The following NUP133 variants were observed in gnomAD, a reference collection of about 807,000 sequenced individuals.
NUP133 encodes nucleoporin 133.
Under a neutral mutation model 146.2 loss-of-function variants are expected in NUP133, and 66 were observed. The ratio of observed to expected loss-of-function variants is 0.45; its 90% CI spans 0.37 to 0.55. NUP133 has a LOEUF of 0.55. Ranked by LOEUF, NUP133 falls within the 20% of genes least tolerant of loss-of-function variation. NUP133 has a pLI of 0.00. For missense variants in NUP133, 1,277 were observed against 1,374.8 expected (o/e 0.93, Z 1.12); for synonymous variants, 521 against 498.8 (o/e 1.04, Z -0.59).
intron 6 of NUP133, among the ~76,000 whole-genome samples, chr1:229,496,753 G>A (rs1661665596): frequency 6.6e-6 from 1 of 152,186 alleles, no homozygotes; most frequent in Non-Finnish European, 1.5e-5. Context: ...ATACCAAGGA[G>A]GGAGGCTCAT....
At position 229,450,565 on chromosome 1, in the gene NUP133, T is replaced by C. The variant is rs1660424494; in HGVS notation, c.3140A>G (p.Asp1047Gly). The C allele has an allele frequency of 1.3e-6, 2 of 1,588,788 alleles. No individual in the cohort carries two copies. Among genetic ancestry groups the C allele is most frequent in the South Asian group, 1.1e-5 (1 of 88,208 alleles). ...CEENRRANEY[D>G]FKKALDLLEY... ...CAACAAGTCCAAAGCTTTCTTGAAA[T>C]CATATTCATTAGCTCTTCTATTTTC... Residue 1047 changes from aspartate to glycine, a missense_variant, in exon 23 of 26, where the codon GAT (aspartate) becomes GGT (glycine). Asp to Gly is a moderately conservative substitution (Grantham distance 94, BLOSUM62 -1). Transcript: ENST00000261396.
intron 1 of NUP133, among the ~76,000 whole-genome samples, chr1:229,507,558 G>A (rs577917749): frequency 2.6e-5 from 4 of 152,266 alleles, no homozygotes; most frequent in Admixed American, 1.3e-4. Context: ...TACCTAGAAA[G>A]TTAAATTCCG....
At position 229,508,275 on chromosome 1, in the gene NUP133, A is replaced by T. The variant is rs1571947316; in HGVS notation, c.-26T>A. 1 of 1,425,542 alleles carries T rather than the reference A, an allele frequency of 7.0e-7. No homozygotes were observed. The highest frequency in any genetic ancestry group is 9.2e-7 in the Non-Finnish European group (1 of 1,083,100). 88.3% of individuals were successfully genotyped at this position (1,425,542 alleles called of 1,614,324 possible). Reference sequence around the variant, plus strand: ...GACTCCAAGGAGCAGCGACTAGGACAGCGAGGGATCTGGCCGTCAGGTTGC... The same window carrying T: ...GACTCCAAGGAGCAGCGACTAGGACTGCGAGGGATCTGGCCGTCAGGTTGC... On this transcript the variant is annotated 5_prime_UTR_variant, in exon 1 of 26. Transcript: ENST00000261396.
At chr1:229,487,367 A>T in intron 10 of NUP133, 99 bp downstream of exon 10, 1 of 1,195,898 alleles carries the variant, frequency 8.4e-7, no homozygotes. Context: ...GAAACATTTG[A>T]AAGCAGCATG....
chr1:229,504,927 C>T (rs1212304737), intron 2 of NUP133, among the ~76,000 whole-genome samples: 1 of 152,138 alleles, frequency 6.6e-6, no homozygotes. Flanking sequence ...TACTGTATAC[C>T]CCAAGCTTGT....
rs187104042 is a variant in NUP133, at chr1:229,461,011, G to C, written c.2686-242C>G. Among the ~76,000 whole-genome samples the C allele has an allele frequency of 4.0e-3, 614 of 152,210 alleles. 2 individuals carry two copies. The highest frequency in any genetic ancestry group is 0.027 in the Middle Eastern group (8 of 292). On this transcript the variant is annotated intron_variant, in intron 19 of 25. Coordinates refer to ENST00000261396, the MANE Select transcript of NUP133 (RefSeq NM_018230.3). Reference sequence around the variant, plus strand: ...TAATGGCAGAATCTAGATGTGCGCTGGCCAATATGGTAGCAACTGGCCATA... The same window carrying C: ...TAATGGCAGAATCTAGATGTGCGCTCGCCAATATGGTAGCAACTGGCCATA...
intron 21 of NUP133, among the ~76,000 whole-genome samples, chr1:229,452,981 T>C (rs1350592181): frequency 1.3e-5 from 2 of 152,092 alleles, no homozygotes; most frequent in African/African-American, 2.4e-5. Context: ...TGTGGAGATC[T>C]CTCCATCATA....
In NUP133 at chr1:229,449,158, C is replaced by T. The variant is rs1204085346; in HGVS notation, c.3213G>A (p.Leu1071=). ...EEDININDLK[L]EILCKALQRD... is the part of the protein sequence containing the mutation. ...TCTGAAGAGCTTTGCAAAGGATTTC[C>T]AGTTTTAGATCATTTATATTTATAT... Residue 1071 remains leucine, a synonymous_variant, in exon 24 of 26, where the codon CTG becomes CTA. Transcript: ENST00000261396. 1 of 1,612,104 alleles carries T rather than the reference C, an allele frequency of 6.2e-7. No individual in the cohort carries two copies. Among genetic ancestry groups the T allele is most frequent in the Non-Finnish European group, 8.5e-7 (1 of 1,178,662 alleles).
At chr1:229,451,627 T>C (rs940087063) in intron 22 of NUP133, among the ~76,000 whole-genome samples, 3 of 149,220 alleles carry the variant, frequency 2.0e-5, no homozygotes, top group Non-Finnish European at 4.4e-5. Flanking sequence ...TCCCAAAAAC[T>C]ATAATTTCAT....
At chr1:229,444,612 G>T in intron 25 of NUP133, among the ~76,000 whole-genome samples, 1 of 151,544 alleles carries the variant, frequency 6.6e-6, no homozygotes, top group East Asian at 1.9e-4. Context: ...TTAGACAGAG[G>T]CCAAGGCAGG....
intron 12 of NUP133, among the ~76,000 whole-genome samples, chr1:229,480,486 T>A (rs1661182679): frequency 1.3e-5 from 2 of 152,082 alleles, no homozygotes; most frequent in Admixed American, 6.5e-5. Context: ...TTGGGCTAAA[T>A]AAAATGAAAA....
At chr1:229,503,307 G>C (rs1331487148) in intron 2 of NUP133, among the ~76,000 whole-genome samples, 1 of 151,906 alleles carries the variant, frequency 6.6e-6, no homozygotes, top group Admixed American at 6.6e-5. Flanking sequence ...GAAATATTTA[G>C]CAACATTTAT....
chr1:229,498,045 C>A, intron 6 of NUP133, 91 bp downstream of exon 6: 1 of 863,922 alleles, frequency 1.2e-6, no homozygotes, highest in South Asian at 2.1e-5. Flanking sequence ...AGCTACTGTC[C>A]ATATGGAGGA....
chr1:229,472,246 G>A (rs555652028), intron 14 of NUP133, among the ~76,000 whole-genome samples: 4 of 150,922 alleles, frequency 2.7e-5, no homozygotes, highest in Non-Finnish European at 4.4e-5. Context: ...ATGAACCAGG[G>A]AAGCGGAGCT....
At chr1:229,448,487 G>A (rs1389463944) in intron 24 of NUP133, among the ~76,000 whole-genome samples, 1 of 152,024 alleles carries the variant, frequency 6.6e-6, no homozygotes, top group Non-Finnish European at 1.5e-5. Flanking sequence ...TTCTGGGAAC[G>A]TCTCATGCCT....
rs1251806398 is a variant in NUP133 at position 229,467,369 on chromosome 1, A to G, written c.2077-613T>C. Among the ~76,000 whole-genome samples the G allele has an allele frequency of 2.0e-5, 3 of 152,358 alleles. No homozygotes were observed. In the East Asian group the frequency reaches 5.8e-4, roughly 29 times the overall value. ...TCCCCCCATTATTTAGAGTTTGCATAGCAATGGACACTCAGAGATAAGAGG... is the reference window on the plus strand; with the variant it reads ...TCCCCCCATTATTTAGAGTTTGCATGGCAATGGACACTCAGAGATAAGAGG... On this transcript the variant is annotated intron_variant, in intron 15 of 25. Transcript: ENST00000261396.
chr1:229,448,866 C>T, intron 24 of NUP133: 1 of 482,382 alleles, frequency 2.1e-6, no homozygotes, highest in Non-Finnish European at 3.7e-6. Flanking sequence ...CAGGCAAAAC[C>T]CCCTGGTGCT....
chr1:229,502,110 A>C lies in NUP133; in HGVS notation c.302-8T>G, dbSNP rs1661815790. 6.3e-7 allele frequency: 1 copy of C among 1,599,066 alleles called. No homozygotes were observed. The highest frequency in any genetic ancestry group is 1.3e-5 in the African/African-American group (1 of 74,624). On this transcript the variant is annotated splice_region_variant and splice_polypyrimidine_tract_variant and intron_variant, in intron 2 of 25. Coordinates refer to ENST00000261396, the MANE Select transcript of NUP133 (RefSeq NM_018230.3). ...TGGTCAGCTGGTCATCGACTAAAGG[A>C]AAAAATGAGGTGGGTGATTAATCTT...
At chr1:229,460,247 G>A (rs747602983) in intron 20 of NUP133, among the ~76,000 whole-genome samples, 11 of 152,176 alleles carry the variant, frequency 7.2e-5, no homozygotes, top group Non-Finnish European at 1.3e-4. Context: ...CTAGGCTGGA[G>A]TGCAATGGTG....
Sources: gnomAD v4.1 joint callset for allele counts (sites outside exome capture counted in the v4.1 genomes callset) on GRCh38, gnomAD v4.1.1 for gene constraint, MANE v1.5 for transcripts, NCBI Gene and HGNC (gene_info 2026-07-23, HGNC 2026-07-21) for gene names.